SHROOM3: variants seen among roughly 807,000 people sequenced by gnomAD.
SHROOM3 encodes the protein protein Shroom3.
In SHROOM3, 47 loss-of-function variants were observed where a neutral mutation model predicts 138.6. That is an observed-to-expected ratio of 0.34 (90% CI 0.27 to 0.43). The LOEUF (loss-of-function observed/expected upper bound fraction) is 0.43, where lower values mean the gene tolerates loss of function less well. Ranked by LOEUF, SHROOM3 falls within the 20% of genes least tolerant of loss-of-function variation. SHROOM3 has a pLI of 1.00. For synonymous variants in SHROOM3, 1,062 were observed against 1,063.3 expected (o/e 1.00, Z 0.02); for missense variants, 2,491 against 2,596.5 (o/e 0.96, Z 0.88).
chr4:76,511,768 G>A (rs771846314), intron 1 of SHROOM3, among the ~76,000 whole-genome samples: 6 of 152,144 alleles, frequency 3.9e-5, no homozygotes, highest in East Asian at 3.9e-4. Context: ...AGGAAATCTC[G>A]ATGATCTGTG....
intron 1 of SHROOM3, among the ~76,000 whole-genome samples, chr4:76,449,149 T>C (rs1252127377): frequency 1.3e-5 from 2 of 152,206 alleles, no homozygotes; most frequent in African/African-American, 4.8e-5. Context: ...ATCCACTCTC[T>C]TGTTCTATAG....
At chr4:76,456,297 G>A (rs1731025893) in intron 1 of SHROOM3, among the ~76,000 whole-genome samples, 1 of 152,138 alleles carries the variant, frequency 6.6e-6, no homozygotes, top group Admixed American at 6.5e-5. Flanking sequence ...AAGCCACTGT[G>A]CCCAGCCCTT....
rs1382731290 is a variant in SHROOM3 at position 76,437,241 on chromosome 4, A to G, written c.168+1021A>G. ...ATTATAAGTTGTATGACTTTTCCTT[A>G]ACTTTCTTAAGTAAAACAAAAGGAT... On this transcript the variant is annotated intron_variant, in intron 1 of 10. Coordinates refer to ENST00000296043, the MANE Select transcript of SHROOM3 (RefSeq NM_020859.4). 2.6e-5 allele frequency among the ~76,000 whole-genome samples: 4 copies of G among 152,018 alleles called. No individual in the cohort carries two copies. In the East Asian group the frequency reaches 5.8e-4, roughly 22 times the overall value.
intron 2 of SHROOM3, among the ~76,000 whole-genome samples, chr4:76,702,212 T>C (rs532087900): frequency 5.3e-4 from 80 of 152,306 alleles, no homozygotes; most frequent in African/African-American, 1.5e-3. Flanking sequence ...TCTAATGGGG[T>C]AGGTAGTGGA....
intron 2 of SHROOM3, among the ~76,000 whole-genome samples, chr4:76,631,946 C>A (rs1026084473): frequency 2.6e-5 from 4 of 152,014 alleles, no homozygotes; most frequent in Non-Finnish European, 5.9e-5. Context: ...TGGGACTGAT[C>A]GGATCAACTG....
chr4:76,625,665 C>T (rs1735120036), intron 2 of SHROOM3, among the ~76,000 whole-genome samples: 1 of 152,194 alleles, frequency 6.6e-6, no homozygotes, highest in South Asian at 2.1e-4. Flanking sequence ...TCGCCGAGAA[C>T]CATGTCCAGT....
At chr4:76,778,410 C>T (rs778497739) in intron 10 of SHROOM3, among the ~76,000 whole-genome samples, 11 of 151,838 alleles carry the variant, frequency 7.2e-5, no homozygotes, top group South Asian at 4.2e-4. Flanking sequence ...TTAGTAGAGA[C>T]GGGGTTTCAC....
At chr4:76,752,473 TC>T (rs1484291531) in intron 6 of SHROOM3, among the ~76,000 whole-genome samples, 3 of 152,090 alleles carry the variant, frequency 2.0e-5, no homozygotes, top group Non-Finnish European at 4.4e-5. Flanking sequence ...AAATGCTTTT[TC>T]TTTTTTTTTT....
At chr4:76,572,827 T>A (rs776589471) in intron 2 of SHROOM3, among the ~76,000 whole-genome samples, 21 of 152,164 alleles carry the variant, frequency 1.4e-4, no homozygotes, top group Non-Finnish European at 2.8e-4. Context: ...AAGCCTGTAA[T>A]CCCAGCGCTT....
intron 1 of SHROOM3, among the ~76,000 whole-genome samples, chr4:76,535,209 A>T (rs1732926527): frequency 6.6e-6 from 1 of 152,190 alleles, no homozygotes; most frequent in South Asian, 2.1e-4. Context: ...TGTATCCGCT[A>T]GGCCTAGCAC....
chr4:76,442,285 C>CA (rs1290089782), intron 1 of SHROOM3, among the ~76,000 whole-genome samples: 8 of 151,458 alleles, frequency 5.3e-5, no homozygotes, highest in Non-Finnish European at 8.8e-5. Flanking sequence ...AACTGAGATG[C>CA]AAAAAAAGTT....
At chr4:76,699,905 C>T (rs766416293) in intron 2 of SHROOM3, among the ~76,000 whole-genome samples, 3 of 152,094 alleles carry the variant, frequency 2.0e-5, no homozygotes, top group African/African-American at 2.4e-5. Flanking sequence ...AGGGTCTGAG[C>T]GTTGGCTGAG....
At chr4:76,590,778 A>C (rs919559678) in intron 2 of SHROOM3, among the ~76,000 whole-genome samples, 17 of 152,270 alleles carry the variant, frequency 1.1e-4, no homozygotes, top group Admixed American at 9.1e-4. Flanking sequence ...CTGTGGAGAA[A>C]ATAGTCAGCA....
chr4:76,494,329 G>T (rs1358918448), intron 1 of SHROOM3, among the ~76,000 whole-genome samples: 3 of 152,172 alleles, frequency 2.0e-5, no homozygotes. Flanking sequence ...GGAAGTAAAA[G>T]AATTGCACTA....
At chr4:76,438,958 G>A (rs1177522387) in intron 1 of SHROOM3, among the ~76,000 whole-genome samples, 1 of 152,176 alleles carries the variant, frequency 6.6e-6, no homozygotes, top group Non-Finnish European at 1.5e-5. Context: ...AGACCTCCAT[G>A]TGGGGCATGT....
chr4:76,607,644 A>G (rs927991685), intron 2 of SHROOM3, among the ~76,000 whole-genome samples: 8 of 152,212 alleles, frequency 5.3e-5, no homozygotes, highest in Admixed American at 5.2e-4. Flanking sequence ...AGGTTCTGCA[A>G]TAATGCTGTT....
At chr4:76,667,779 C>T (rs542263043) in intron 2 of SHROOM3, among the ~76,000 whole-genome samples, 15 of 150,780 alleles carry the variant, frequency 9.9e-5, no homozygotes, top group Admixed American at 4.0e-4. Flanking sequence ...CCTTCCTGGC[C>T]AACACGCTGA....
At chr4:76,626,577 T>G (rs1401067596) in intron 2 of SHROOM3, among the ~76,000 whole-genome samples, 1 of 152,200 alleles carries the variant, frequency 6.6e-6, no homozygotes, top group East Asian at 1.9e-4. Flanking sequence ...TTAACATGCA[T>G]GGGTAGAATT....
At chr4:76,621,147 T>C (rs1447068169) in intron 2 of SHROOM3, among the ~76,000 whole-genome samples, 1 of 141,240 alleles carries the variant, frequency 7.1e-6, no homozygotes, top group Non-Finnish European at 1.5e-5. Flanking sequence ...TTGCCAAGTA[T>C]TAAAAAAAAA....
Sources: gnomAD v4.1 joint callset for allele counts (sites outside exome capture counted in the v4.1 genomes callset) on GRCh38, gnomAD v4.1.1 for gene constraint, MANE v1.5 for transcripts, NCBI Gene and HGNC (gene_info 2026-07-23, HGNC 2026-07-21) for gene names.